The following ELF1 variants were observed in gnomAD, a reference collection of about 807,000 sequenced individuals.
The protein encoded by ELF1 is ETS-related transcription factor Elf-1.
A neutral mutation model predicts 59.9 loss-of-function variants in ELF1; 24 were observed. The ratio of observed to expected loss-of-function variants is 0.40; its 90% CI spans 0.29 to 0.56. ELF1 has a LOEUF of 0.56. ELF1 is among the 20% of genes least tolerant of loss of function. The pLI is 0.44. For missense variants in ELF1, 627 were observed against 742.2 expected (o/e 0.84, Z 1.80); for synonymous variants, 248 against 266.2 (o/e 0.93, Z 0.67).
intron 1 of ELF1, among the ~76,000 whole-genome samples, chr13:41,017,392 T>A (rs1026680588): frequency 6.6e-6 from 1 of 152,180 alleles, no homozygotes; most frequent in Non-Finnish European, 1.5e-5. Flanking sequence ...GGCCACTGTT[T>A]CTTCATCTAT....
At chr13:40,987,519 G>A (rs1212817208) in intron 1 of ELF1, among the ~76,000 whole-genome samples, 5 of 140,692 alleles carry the variant, frequency 3.6e-5, no homozygotes, top group African/African-American at 1.1e-4. Context: ...CCAGGAGGCA[G>A]AAGCTGTGGT....
intron 2 of ELF1, among the ~76,000 whole-genome samples, chr13:40,968,280 G>A (rs1359732787): frequency 6.6e-6 from 1 of 152,106 alleles, no homozygotes; most frequent in Admixed American, 6.5e-5. Context: ...AAAATTAAAG[G>A]AAATCGCTAC....
At chr13:40,978,162 G>A (rs759982532) in intron 2 of ELF1, among the ~76,000 whole-genome samples, 11 of 152,062 alleles carry the variant, frequency 7.2e-5, no homozygotes, top group Admixed American at 1.3e-4. Context: ...GGCAGATCCC[G>A]AGGTCAAGAG....
rs1869519517 is a variant in ELF1 at position 40,933,104 on chromosome 13, G to T, written c.*321C>A. The T allele has an allele frequency of 4.7e-6, 1 of 214,958 alleles. No homozygotes were observed. The allele number at this position is 214,958 out of a possible 1,614,324, so 13.3% of individuals were successfully genotyped here. On this transcript the variant is annotated 3_prime_UTR_variant, in exon 9 of 9. Transcript: ENST00000239882. The stretch of plus-strand genomic sequence containing the variant: ...CTATTTAAGTTCTGTATTTACAAAA[G>T]AATCAGAAAATCTAATACAATGTAA...
chr13:40,992,285 G>A lies in ELF1; in HGVS notation c.-228-10003C>T, dbSNP rs187121064. 2.9e-3 allele frequency among the ~76,000 whole-genome samples: 435 copies of A among 152,186 alleles called. 4 individuals carry two copies. Among genetic ancestry groups the A allele is most frequent in the Middle Eastern group, 6.8e-3 (2 of 294 alleles). ...TAAGTTCCTGATGTTTTTACACTAC[G>A]CTCCCTAAGTGCATCTGTGAACACA... On this transcript the variant is annotated intron_variant, in intron 1 of 8. Transcript: ENST00000239882.
chr13:41,045,132 G>A (rs1418032418), intron 1 of ELF1, among the ~76,000 whole-genome samples: 1 of 151,782 alleles, frequency 6.6e-6, no homozygotes, highest in African/African-American at 2.4e-5. Context: ...TGTGGTATCA[G>A]TTGTGATATC....
chr13:40,952,750 A>G (rs776200619), intron 3 of ELF1, among the ~76,000 whole-genome samples: 2 of 152,162 alleles, frequency 1.3e-5, no homozygotes, highest in Non-Finnish European at 2.9e-5. Context: ...AGTATAGTAT[A>G]TATAATGAAT....
At chr13:40,937,361 AC>A (rs1483793777) in intron 8 of ELF1, among the ~76,000 whole-genome samples, 1 of 152,224 alleles carries the variant, frequency 6.6e-6, no homozygotes, top group African/African-American at 2.4e-5. Flanking sequence ...TTTAATTGTC[AC>A]AGCCAAGTGG....
At chr13:41,018,875 C>T (rs1474213312) in intron 1 of ELF1, among the ~76,000 whole-genome samples, 1 of 152,142 alleles carries the variant, frequency 6.6e-6, no homozygotes, top group Non-Finnish European at 1.5e-5. Context: ...GTAACTTCAA[C>T]TACCCCAAAA....
At chr13:40,950,022 T>C (rs1425706996) in intron 4 of ELF1, 49 bp from the exon 5 acceptor site, 2 of 1,436,590 alleles carry the variant, frequency 1.4e-6, no homozygotes, top group Non-Finnish European at 1.9e-6. Flanking sequence ...TATTATAAGT[T>C]AAAAAACGAT....
In ELF1 at chr13:40,942,494, ATC is replaced by A. The variant is rs367768459; in HGVS notation, c.806+456_806+457del. ...TTTATTCTACTATAATAACTAACAT[ATC>A]ATACTTGCAATTCATGTTTGAGAAT... On this transcript the variant is annotated intron_variant, in intron 7 of 8. Transcript: ENST00000239882. Among the ~76,000 whole-genome samples the A allele has an allele frequency of 2.8e-3, 427 of 152,298 alleles. 2 individuals are homozygous for A. The highest frequency in any genetic ancestry group is 9.7e-3 in the African/African-American group (404 of 41,562).
chr13:40,955,679 G>A (rs1417250964), intron 3 of ELF1, among the ~76,000 whole-genome samples: 2 of 121,928 alleles, frequency 1.6e-5, no homozygotes, highest in African/African-American at 3.1e-5. Flanking sequence ...GGAGGTGGGG[G>A]AGTCAGCCCC....
intron 1 of ELF1, among the ~76,000 whole-genome samples, chr13:41,060,526 A>G (rs935363925): frequency 1.3e-5 from 2 of 152,068 alleles, no homozygotes; most frequent in Admixed American, 1.3e-4. Flanking sequence ...CGGGAGGGAG[A>G]AGGATCGGAA....
At chr13:40,980,756 T>C (rs1873211030) in intron 2 of ELF1, among the ~76,000 whole-genome samples, 1 of 152,202 alleles carries the variant, frequency 6.6e-6, no homozygotes, top group African/African-American at 2.4e-5. Flanking sequence ...AACCTTAATA[T>C]ACACACAAAC....
intron 1 of ELF1, among the ~76,000 whole-genome samples, chr13:41,053,096 G>A (rs1877147973): frequency 1.3e-5 from 2 of 152,170 alleles, no homozygotes; most frequent in Non-Finnish European, 2.9e-5. Flanking sequence ...GCTCACGCCT[G>A]TAATCTCAGC....
At chr13:41,059,550 A>C (rs1169512139) in intron 1 of ELF1, among the ~76,000 whole-genome samples, 3 of 152,228 alleles carry the variant, frequency 2.0e-5, no homozygotes, top group Non-Finnish European at 4.4e-5. Flanking sequence ...TAACAACCAA[A>C]ACATCTGCTT....
At chr13:40,935,160 T>C (rs908816319) in intron 8 of ELF1, among the ~76,000 whole-genome samples, 1 of 152,230 alleles carries the variant, frequency 6.6e-6, no homozygotes, top group Non-Finnish European at 1.5e-5. Context: ...ATATTATGAG[T>C]CAATCTAATT....
chr13:40,946,129 G>A (rs1484407229), intron 5 of ELF1, among the ~76,000 whole-genome samples: 2 of 152,190 alleles, frequency 1.3e-5, no homozygotes, highest in Non-Finnish European at 2.9e-5. Context: ...ATGAGCCACT[G>A]AGCATGGCCC....
intron 1 of ELF1, among the ~76,000 whole-genome samples, chr13:40,985,951 C>T (rs1873528886): frequency 6.6e-6 from 1 of 152,084 alleles, no homozygotes; most frequent in South Asian, 2.1e-4. Context: ...CTTCATCACA[C>T]AGACATAAGC....
Sources: gnomAD v4.1 joint callset for allele counts (sites outside exome capture counted in the v4.1 genomes callset) on GRCh38, gnomAD v4.1.1 for gene constraint, MANE v1.5 for transcripts, NCBI Gene and HGNC (gene_info 2026-07-23, HGNC 2026-07-21) for gene names.